The following SHLD1 variants were observed in gnomAD, a reference collection of about 807,000 sequenced individuals.
SHLD1 encodes shieldin complex subunit 1.
In SHLD1, 3 loss-of-function variants were observed where a neutral mutation model predicts 5.5. The observed-to-expected ratio is 0.54, with a 90% CI of 0.25 to 1.40. SHLD1 has a LOEUF of 1.40. SHLD1 is among the 40% of genes most tolerant of loss of function. The pLI is 0.15. For missense variants in SHLD1, 210 were observed against 244.4 expected, an observed-to-expected ratio of 0.86 and a Z score of 0.94; for synonymous variants, 92 against 94.3, an observed-to-expected ratio of 0.98 and a Z score of 0.14.
chr20:5,793,335 G>A lies in SHLD1; in HGVS notation c.178+20292G>A, dbSNP rs529028742. 7.6e-4 allele frequency among the ~76,000 whole-genome samples: 116 copies of A among 152,180 alleles called. 1 individual carries two copies. The highest frequency in any genetic ancestry group is 2.6e-3 in the African/African-American group (109 of 41,532). Reference sequence around the variant, plus strand: ...TGCATGTAAATTTATGTATTTTAGTGCATTTGTTTATGTAGAGATTTTAAC... The same window carrying A: ...TGCATGTAAATTTATGTATTTTAGTACATTTGTTTATGTAGAGATTTTAAC... On this transcript the variant is annotated intron_variant, in intron 2 of 2. Coordinates refer to ENST00000303142, the MANE Select transcript of SHLD1 (RefSeq NM_152504.4).
chr20:5,799,089 G>T, intron 2 of SHLD1, among the ~76,000 whole-genome samples: 1 of 152,028 alleles, frequency 6.6e-6, no homozygotes, highest in East Asian at 1.9e-4. Context: ...TGTAGTCCTA[G>T]CTACTCAGGA....
In SHLD1 at chr20:5,806,763, A is replaced by G. The variant is rs1420182554; in HGVS notation, c.178+33720A>G. ...GATGCACTGATCAGTTAAGATACCA[A>G]CATTTCTTATTTACATCCTGTGTTG... is the stretch of plus-strand genomic sequence containing the variant. On this transcript the variant is annotated intron_variant, in intron 2 of 2. Coordinates refer to ENST00000303142, the MANE Select transcript of SHLD1 (RefSeq NM_152504.4). The surrounding 1 kb of genome is among the most constrained non-coding windows in gnomAD (Gnocchi z 7.6). Among the ~76,000 whole-genome samples the G allele has an allele frequency of 1.3e-5, 2 of 152,106 alleles. No individual in the cohort carries two copies. The highest frequency in any genetic ancestry group is 2.9e-5 in the Non-Finnish European group (2 of 68,012).
chr20:5,796,552 C>T (rs746205403), intron 2 of SHLD1, among the ~76,000 whole-genome samples: 2 of 151,924 alleles, frequency 1.3e-5, no homozygotes, highest in African/African-American at 2.4e-5. Flanking sequence ...TGAGGCCGGG[C>T]GCAGTGGCTC....
intron 1 of SHLD1, among the ~76,000 whole-genome samples, chr20:5,765,399 C>T (rs1247933974): frequency 2.0e-5 from 3 of 151,930 alleles, no homozygotes; most frequent in Non-Finnish European, 4.4e-5. Context: ...GTGCACGTCA[C>T]CACACCCGGC....
At chr20:5,786,874 A>T (rs1369113358) in intron 2 of SHLD1, among the ~76,000 whole-genome samples, 1 of 139,662 alleles carries the variant, frequency 7.2e-6, no homozygotes, top group Non-Finnish European at 1.5e-5. Context: ...CCCCAGGAAG[A>T]CAAAAAGGCT....
chr20:5,830,944 A>T (rs754912284), intron 2 of SHLD1, among the ~76,000 whole-genome samples: 16 of 152,084 alleles, frequency 1.1e-4, no homozygotes, highest in Non-Finnish European at 2.2e-4. Context: ...TATTTATTTA[A>T]TTTTTTAGGG....
At chr20:5,812,069 C>CTTTTTT (rs1037236061) in intron 2 of SHLD1, among the ~76,000 whole-genome samples, 4 of 136,558 alleles carry the variant, frequency 2.9e-5, no homozygotes, top group Non-Finnish European at 4.8e-5. Flanking sequence ...TTTTCTTTTT[C>CTTTTTT]TTTTTTTTTT....
At chr20:5,776,528 C>G (rs949762827) in intron 2 of SHLD1, among the ~76,000 whole-genome samples, 2 of 151,994 alleles carry the variant, frequency 1.3e-5, no homozygotes, top group Non-Finnish European at 2.9e-5. Context: ...TTTGGGAGGC[C>G]GAGGCGGGTG....
intron 2 of SHLD1, among the ~76,000 whole-genome samples, chr20:5,850,549 C>T (rs562313309): frequency 1.1e-4 from 16 of 145,044 alleles, no homozygotes; most frequent in East Asian, 4.0e-4. Flanking sequence ...CTTGCTCTGT[C>T]GCCCAAGTGG....
At chr20:5,783,120 A>G (rs1156441251) in intron 2 of SHLD1, among the ~76,000 whole-genome samples, 1 of 152,230 alleles carries the variant, frequency 6.6e-6, no homozygotes, top group East Asian at 1.9e-4. Flanking sequence ...ACAATTGGGT[A>G]CATTTTATCA....
intron 2 of SHLD1, among the ~76,000 whole-genome samples, chr20:5,800,017 A>ATAAAG (rs4053238): frequency 6.6e-6 from 1 of 151,638 alleles, no homozygotes; most frequent in African/African-American, 2.4e-5. Flanking sequence ...TGGTTCTCAA[A>ATAAAG]GTGATTTTGT....
intron 1 of SHLD1, among the ~76,000 whole-genome samples, chr20:5,763,039 G>C (rs915604595): frequency 6.6e-6 from 1 of 151,628 alleles, no homozygotes; most frequent in Non-Finnish European, 1.5e-5. Context: ...GGGCACAGTG[G>C]CTCACGCCTA....
rs55776293 is a variant in SHLD1 at position 5,854,872 on chromosome 20, C to CTTTTTTTT, written c.179-8147_179-8140dup. Reference sequence around the variant, plus strand: ...CATTCTGTTTTCTGTCTCTATGACTCTTTTTTTTTTTTAAGAGACAGGTCT... The same window carrying CTTTTTTTT: ...CATTCTGTTTTCTGTCTCTATGACTCTTTTTTTTTTTTTTTTTTTTAAGAGACAGGTCT... On this transcript the variant is annotated intron_variant, in intron 2 of 2. Coordinates refer to ENST00000303142, the MANE Select transcript of SHLD1 (RefSeq NM_152504.4). Among the ~76,000 whole-genome samples the CTTTTTTTT allele has an allele frequency of 6.4e-4, 83 of 130,052 alleles. 1 individual carries two copies. The South Asian group carries it at 0.016, about 25-fold the overall frequency. 85.3% of individuals were successfully genotyped at this position (130,052 alleles called of 152,430 possible). A position where few individuals can be genotyped will look rare whatever the true frequency, so the allele number is the denominator to read the frequency against.
At chr20:5,785,593 C>T (rs2087047885) in intron 2 of SHLD1, among the ~76,000 whole-genome samples, 1 of 151,998 alleles carries the variant, frequency 6.6e-6, no homozygotes, top group Non-Finnish European at 1.5e-5. Flanking sequence ...GTCAGGAGTT[C>T]GAGACCAGCC....
At chr20:5,861,508 C>G (rs1234136110) in intron 2 of SHLD1, among the ~76,000 whole-genome samples, 1 of 152,214 alleles carries the variant, frequency 6.6e-6, no homozygotes, top group East Asian at 1.9e-4. Flanking sequence ...GAATGCTTGT[C>G]CATGTGTAGG....
intron 2 of SHLD1, 37 bp from the exon 3 acceptor site, chr20:5,862,987 T>G (rs770939329): frequency 3.3e-6 from 5 of 1,512,624 alleles, no homozygotes; most frequent in Non-Finnish European, 4.4e-6. Flanking sequence ...TATTTTTGAT[T>G]GTGTGTTTGA....
chr20:5,838,081 G>A (rs1818002279), intron 2 of SHLD1, among the ~76,000 whole-genome samples: 1 of 152,210 alleles, frequency 6.6e-6, no homozygotes, highest in African/African-American at 2.4e-5. Flanking sequence ...AGTTATGATA[G>A]TATAAACACT....
At chr20:5,831,209 T>G (rs2087725312) in intron 2 of SHLD1, among the ~76,000 whole-genome samples, 1 of 152,168 alleles carries the variant, frequency 6.6e-6, no homozygotes, top group South Asian at 2.1e-4. Context: ...AAGCAGAACT[T>G]TATTACCTAC....
At chr20:5,812,898 G>A (rs537816859) in intron 2 of SHLD1, among the ~76,000 whole-genome samples, 9 of 151,532 alleles carry the variant, frequency 5.9e-5, no homozygotes, top group East Asian at 3.9e-4. Context: ...TTATTGAGAC[G>A]GGGTCTCACT....
Sources: gnomAD v4.1 joint callset for allele counts (sites outside exome capture counted in the v4.1 genomes callset) on GRCh38, gnomAD v4.1.1 for gene constraint, Gnocchi (gnomAD v3.1) non-coding constraint, MANE v1.5 for transcripts, NCBI Gene and HGNC (gene_info 2026-07-23, HGNC 2026-07-21) for gene names.